Variants in HYCC1 observed in about 807,000 individuals in gnomAD.
HYCC1 encodes the protein hyccin PI4KA lipid kinase complex subunit 1.
chr7:22,907,053 C>T, the HYCC1 span, among the ~76,000 whole-genome samples: 5 of 133,532 alleles, frequency 3.7e-5, no homozygotes, highest in Admixed American at 1.8e-4. Context: ...TGCAGTAAGC[C>T]GAGATCGTGC....
At chr7:22,912,252 G>C in the HYCC1 span, among the ~76,000 whole-genome samples, 2 of 152,212 alleles carry the variant, frequency 1.3e-5, no homozygotes, top group African/African-American at 4.8e-5. Context: ...TGGAATTTGA[G>C]TCATGACCCT....
At chr7:22,979,182 G>T in the HYCC1 span, among the ~76,000 whole-genome samples, 2 of 152,052 alleles carry the variant, frequency 1.3e-5, no homozygotes, top group East Asian at 3.9e-4. Context: ...AACCAATAAT[G>T]GTAATGAACA....
At chr7:22,928,776 G>C in the HYCC1 span, among the ~76,000 whole-genome samples, 1 of 151,904 alleles carries the variant, frequency 6.6e-6, no homozygotes, top group Admixed American at 6.6e-5. Flanking sequence ...GTAATTTATA[G>C]ATTCAATGCC....
chr7:22,909,872 T>C, the HYCC1 span, among the ~76,000 whole-genome samples: 1 of 152,186 alleles, frequency 6.6e-6, no homozygotes, highest in Non-Finnish European at 1.5e-5. Flanking sequence ...CCCATTATGC[T>C]AGTTCTCTTA....
the HYCC1 span, chr7:22,990,937 G>C: frequency 1.5e-6 from 1 of 684,534 alleles, no homozygotes. Flanking sequence ...ATTGAGATTT[G>C]ATAGAAAATA....
At chr7:22,923,939 T>G in the HYCC1 span, among the ~76,000 whole-genome samples, 4 of 149,342 alleles carry the variant, frequency 2.7e-5, no homozygotes, top group East Asian at 5.9e-4. Flanking sequence ...GGCAGATCAC[T>G]TGAGGTCAGG....
the HYCC1 span, among the ~76,000 whole-genome samples, chr7:22,930,206 G>T: frequency 2.6e-5 from 3 of 114,892 alleles, no homozygotes; most frequent in South Asian, 3.5e-4. Flanking sequence ...GTGGGGGGAG[G>T]GGGGAGGGAT....
the HYCC1 span, among the ~76,000 whole-genome samples, chr7:23,000,297 T>C: frequency 2.0e-5 from 3 of 152,204 alleles, no homozygotes; most frequent in African/African-American, 7.2e-5. Context: ...TTGAGCAGTA[T>C]ATCTAAACCA....
At chr7:22,933,490 CCTCT>C in the HYCC1 span, among the ~76,000 whole-genome samples, 1 of 151,918 alleles carries the variant, frequency 6.6e-6, no homozygotes, top group Non-Finnish European at 1.5e-5. Flanking sequence ...AGCCATTCTG[CCTCT>C]CTTAGATGGT....
chr7:22,955,927 T>C, the HYCC1 span, among the ~76,000 whole-genome samples: 3 of 151,734 alleles, frequency 2.0e-5, no homozygotes, highest in Non-Finnish European at 4.4e-5. Context: ...TTCCTTTAAC[T>C]TCTTTTTATT....
the HYCC1 span, among the ~76,000 whole-genome samples, chr7:22,984,766 CTGT>C: frequency 1.3e-5 from 2 of 152,162 alleles, no homozygotes; most frequent in African/African-American, 4.8e-5. Flanking sequence ...CATGAGAAGG[CTGT>C]TCTACTTAAC....
At chr7:22,979,748 G>T in the HYCC1 span, among the ~76,000 whole-genome samples, 4 of 152,042 alleles carry the variant, frequency 2.6e-5, no homozygotes, top group Non-Finnish European at 5.9e-5. Flanking sequence ...CAGTTTGTAT[G>T]AACACATAAT....
the HYCC1 span, among the ~76,000 whole-genome samples, chr7:22,959,378 T>C: frequency 1.3e-5 from 2 of 152,110 alleles, no homozygotes; most frequent in African/African-American, 4.8e-5. Context: ...ACACAACCAG[T>C]ACCAAATATA....
chr7:22,922,750 A>T, the HYCC1 span, among the ~76,000 whole-genome samples: 9 of 152,246 alleles, frequency 5.9e-5, no homozygotes, highest in African/African-American at 2.2e-4. Context: ...GCAAACATAA[A>T]AAAACTACAG....
the HYCC1 span, among the ~76,000 whole-genome samples, chr7:22,993,685 A>AAC: frequency 0.031 from 4,647 of 149,060 alleles, 205 homozygotes; most frequent in African/African-American, 0.1. Flanking sequence ...ACACCATACA[A>AAC]ACACACACAC....
chr7:22,898,594 CTTTTCTTTTCTT>C, the HYCC1 span, among the ~76,000 whole-genome samples: 18 of 66,096 alleles, frequency 2.7e-4, 1 homozygote, highest in African/African-American at 8.4e-4. Context: ...CTTTTCTTTT[CTTTTCTTTTCTT>C]TTTTTTTTTT....
chr7:22,991,624 T>A, the HYCC1 span, among the ~76,000 whole-genome samples: 1 of 152,128 alleles, frequency 6.6e-6, no homozygotes, highest in Non-Finnish European at 1.5e-5. Context: ...GTTCATTTTT[T>A]AAAAAGTAAA....
the HYCC1 span, among the ~76,000 whole-genome samples, chr7:22,982,350 C>A: frequency 1.3e-5 from 2 of 152,154 alleles, no homozygotes; most frequent in South Asian, 4.1e-4. Flanking sequence ...TGTCAATATA[C>A]TCCCTAATCC....
At chr7:22,955,926 CTTCTTT>C in the HYCC1 span, among the ~76,000 whole-genome samples, 2 of 151,510 alleles carry the variant, frequency 1.3e-5, no homozygotes, top group East Asian at 1.9e-4. Flanking sequence ...TTTCCTTTAA[CTTCTTT>C]TTATTTTTAA....
Sources: gnomAD v4.1 joint callset for allele counts (sites outside exome capture counted in the v4.1 genomes callset) on GRCh38, gnomAD v4.1.1 for gene constraint, MANE v1.5 for transcripts, NCBI Gene and HGNC (gene_info 2026-07-23, HGNC 2026-07-21) for gene names.